Variants in LARGE1 observed in about 807,000 individuals in gnomAD.
LARGE1 encodes the protein LARGE xylosyl- and glucuronyltransferase 1, also known as xylosyl- and glucuronyltransferase LARGE1.
Under a neutral mutation model 87.6 loss-of-function variants are expected in LARGE1, and 43 were observed. The ratio of observed to expected loss-of-function variants is 0.49; its 90% CI spans 0.38 to 0.63. The LOEUF is 0.63. Among genes scored for constraint, LARGE1 ranks in the 30% least tolerant of loss-of-function variants. The probability of loss-of-function intolerance (pLI) is 0.00; values close to 1 mark genes in which losing one functional copy is unlikely to be tolerated. For missense variants in LARGE1, 802 were observed against 1,000.2 expected (o/e 0.80, Z 2.67); for synonymous variants, 434 against 394.6 (o/e 1.10, Z -1.18).
chr22:33,093,904 C>G, the LARGE1 span, among the ~76,000 whole-genome samples: 4 of 147,428 alleles, frequency 2.7e-5, no homozygotes, highest in Non-Finnish European at 6.0e-5. Context: ...CTTAACTCAC[C>G]GCAACCTCCT....
chr22:33,214,451 T>G (rs1925108709), intron 11 of LARGE1, among the ~76,000 whole-genome samples: 1 of 152,236 alleles, frequency 6.6e-6, no homozygotes, highest in East Asian at 1.9e-4. Flanking sequence ...ATATAAATAA[T>G]AGGCATGTTT....
downstream of LARGE1, among the ~76,000 whole-genome samples, chr22:33,268,816 A>G (rs941949533): frequency 6.6e-6 from 1 of 152,244 alleles, no homozygotes; most frequent in Non-Finnish European, 1.5e-5. Context: ...ATTATAGTAC[A>G]CATTGCCTTA....
chr22:33,829,608 T>G (rs1159052696), intron 1 of LARGE1, among the ~76,000 whole-genome samples: 1 of 152,142 alleles, frequency 6.6e-6, no homozygotes, highest in South Asian at 2.1e-4. Context: ...GCCTTAATAG[T>G]TCCTTTAATG....
At chr22:33,570,321 G>C (rs1041330758) in intron 5 of LARGE1, among the ~76,000 whole-genome samples, 2 of 152,116 alleles carry the variant, frequency 1.3e-5, no homozygotes, top group African/African-American at 4.8e-5. Context: ...GCAAATTCTG[G>C]TACCTTTGAA....
At chr22:33,113,091 A>G in the LARGE1 span, among the ~76,000 whole-genome samples, 1 of 152,198 alleles carries the variant, frequency 6.6e-6, no homozygotes, top group African/African-American at 2.4e-5. Flanking sequence ...GTAGGTTTTA[A>G]AGGAATATAT....
the LARGE1 span, among the ~76,000 whole-genome samples, chr22:33,085,853 T>C: frequency 1.3e-5 from 2 of 152,180 alleles, no homozygotes; most frequent in African/African-American, 2.4e-5. Flanking sequence ...CAATGTCATT[T>C]TTTGTCTTTG....
chr22:33,623,758 C>T (rs746571846), intron 4 of LARGE1, among the ~76,000 whole-genome samples: 6 of 149,368 alleles, frequency 4.0e-5, no homozygotes, highest in African/African-American at 4.9e-5. Flanking sequence ...TGGCTGGGGG[C>T]GGTGGCTCAC....
intron 11 of LARGE1, among the ~76,000 whole-genome samples, chr22:33,191,910 C>G (rs760516887): frequency 1.9e-4 from 29 of 152,212 alleles, no homozygotes; most frequent in Non-Finnish European, 4.3e-4. Context: ...TGTATCAACA[C>G]AGACTGAATC....
intron 1 of LARGE1, among the ~76,000 whole-genome samples, chr22:33,802,287 C>T (rs148956054): frequency 2.6e-3 from 389 of 152,308 alleles, no homozygotes; most frequent in African/African-American, 8.4e-3. Context: ...GCAAGGGAAG[C>T]ACTACAGAGA....
At chr22:33,781,919 G>A (rs1181705476) in intron 1 of LARGE1, among the ~76,000 whole-genome samples, 1 of 152,060 alleles carries the variant, frequency 6.6e-6, no homozygotes, top group Non-Finnish European at 1.5e-5. Flanking sequence ...CATGGTAAAA[G>A]AAAATCAATG....
At chr22:33,250,891 G>T (rs1926983434) in intron 11 of LARGE1, among the ~76,000 whole-genome samples, 1 of 152,146 alleles carries the variant, frequency 6.6e-6, no homozygotes, top group Non-Finnish European at 1.5e-5. Flanking sequence ...TGGTGAATTT[G>T]ATTTGCCAAT....
intron 5 of LARGE1, among the ~76,000 whole-genome samples, chr22:33,602,767 C>T (rs1005662473): frequency 2.0e-5 from 3 of 152,208 alleles, no homozygotes; most frequent in African/African-American, 7.2e-5. Flanking sequence ...CCCACCTCAG[C>T]CTCCTAAAGT....
intron 1 of LARGE1, among the ~76,000 whole-genome samples, chr22:33,869,241 C>G (rs2064202926): frequency 1.3e-5 from 2 of 152,120 alleles, no homozygotes; most frequent in Admixed American, 1.3e-4. Context: ...CCTGCTTGAT[C>G]TGACCCCTGC....
chr22:33,207,000 G>C (rs1809904426), intron 11 of LARGE1, among the ~76,000 whole-genome samples: 1 of 152,108 alleles, frequency 6.6e-6, no homozygotes, highest in Non-Finnish European at 1.5e-5. Context: ...TGCATACTAG[G>C]AAGCAGGCCC....
chr22:33,205,797 C>T (rs1027013173), intron 11 of LARGE1, among the ~76,000 whole-genome samples: 6 of 151,908 alleles, frequency 3.9e-5, no homozygotes, highest in East Asian at 1.9e-4. Flanking sequence ...TGTTTTTTTC[C>T]GAGACAGAGT....
At chr22:33,332,813 C>G (rs1383944183) in intron 10 of LARGE1, among the ~76,000 whole-genome samples, 1 of 152,146 alleles carries the variant, frequency 6.6e-6, no homozygotes, top group Non-Finnish European at 1.5e-5. Context: ...CCAGCCCCAG[C>G]CCCAGCCCCA....
chr22:33,650,644 G>C lies in LARGE1; in HGVS notation c.131C>G (p.Pro44Arg), dbSNP rs143437080. 6.2e-7 allele frequency: 1 copy of C among 1,602,002 alleles called. No homozygotes were observed. Among genetic ancestry groups the C allele is most frequent in the South Asian group, 1.1e-5 (1 of 91,038 alleles). ...FEDGKPVSLSPLESQAHSPRY... is the reference protein window; with the variant it reads ...FEDGKPVSLSRLESQAHSPRY... ...GGGGCTGTGTGCCTGGGACTCCAGC[G>C]GTGACAGAGACACGGGCTTTCCATC... The change falls in exon 3 of 15, where the codon CCG becomes CGG. Residue 44 changes from proline to arginine, a missense_variant. Coordinates refer to ENST00000397394, the MANE Select transcript of LARGE1 (RefSeq NM_133642.5).
chr22:33,842,227 T>C (rs1339735665), intron 1 of LARGE1, among the ~76,000 whole-genome samples: 1 of 152,194 alleles, frequency 6.6e-6, no homozygotes, highest in South Asian at 2.1e-4. Flanking sequence ...TTAAGTGCCT[T>C]CGACGCACGC....
chr22:33,626,282 C>A lies in LARGE1; in HGVS notation c.453G>T (p.Arg151=). Residue 151 remains arginine, a synonymous_variant, in exon 4 of 15, where the codon CGG becomes CGT. Transcript: ENST00000397394. ...CGGATTTGACCAGGGTGACGACATCCCGGCTGGCATTGTATCCGGCGCAGA... is the reference window on the plus strand; with the variant it reads ...CGGATTTGACCAGGGTGACGACATCACGGCTGGCATTGTATCCGGCGCAGA... The part of the protein sequence containing the change: ...AIVCAGYNAS[R]DVVTLVKSVL... The A allele has an allele frequency of 6.2e-7, 1 of 1,614,088 alleles. No individual in the cohort carries two copies. The highest frequency in any genetic ancestry group is 1.3e-5 in the African/African-American group (1 of 75,036).
Sources: gnomAD v4.1 joint callset for allele counts (sites outside exome capture counted in the v4.1 genomes callset) on GRCh38, gnomAD v4.1.1 for gene constraint, MANE v1.5 for transcripts, NCBI Gene and HGNC (gene_info 2026-07-23, HGNC 2026-07-21) for gene names.